The following CPE variants were observed in gnomAD, a reference collection of about 807,000 sequenced individuals.
The protein encoded by CPE is carbocypeptidase E.
CPE carries 17 observed loss-of-function variants against 53.5 expected under a neutral mutation model. The observed-to-expected ratio is 0.32, with a 90% CI of 0.22 to 0.48. The LOEUF is 0.48. Ranked by LOEUF, CPE falls within the 20% of genes least tolerant of loss-of-function variation. The pLI is 0.99. For synonymous variants in CPE, 226 were observed against 228.8 expected, an observed-to-expected ratio of 0.99 and a Z score of 0.11; for missense variants, 524 against 614.7, an observed-to-expected ratio of 0.85 and a Z score of 1.56.
intron 3 of CPE, 51 bp downstream of exon 3, chr4:165,467,906 A>G: frequency 1.3e-6 from 2 of 1,570,068 alleles, no homozygotes; most frequent in African/African-American, 1.4e-5. Context: ...CTAAGGAAAT[A>G]TGTTCCAATA....
Position 165,469,960 on chromosome 4 carries a change from C to T in CPE, c.672+2105C>T, listed in dbSNP as rs372143316. On this transcript the variant is annotated intron_variant, in intron 3 of 8. Transcript: ENST00000402744. ...ATTGGTTTAAACTTTTAAAAACTCTCCTGCCTATATATGGGATTCATTGCA... is the reference window on the plus strand; with the variant it reads ...ATTGGTTTAAACTTTTAAAAACTCTTCTGCCTATATATGGGATTCATTGCA... Among the ~76,000 whole-genome samples, 15 of 152,282 alleles carry T rather than the reference C, an allele frequency of 9.9e-5. No homozygotes were observed. The East Asian group carries it at 1.9e-3, about 20-fold the overall frequency.
chr4:165,474,794 G>A (rs1222493135), intron 3 of CPE, among the ~76,000 whole-genome samples: 3 of 152,202 alleles, frequency 2.0e-5, no homozygotes, highest in Admixed American at 1.3e-4. Flanking sequence ...GCTGGCCTAT[G>A]TCCTTGTCTC....
At chr4:165,476,972 C>T (rs543729280) in intron 3 of CPE, among the ~76,000 whole-genome samples, 2 of 152,362 alleles carry the variant, frequency 1.3e-5, no homozygotes, top group East Asian at 1.9e-4. Flanking sequence ...AAATGGAAAA[C>T]TTCTGGAAGC....
chr4:165,385,001 T>G (rs1477523350), intron 1 of CPE, among the ~76,000 whole-genome samples: 5 of 152,194 alleles, frequency 3.3e-5, no homozygotes, highest in African/African-American at 1.2e-4. Flanking sequence ...ATAATTTTGA[T>G]GAAAATGATT....
chr4:165,443,267 C>T (rs28421837), intron 1 of CPE, among the ~76,000 whole-genome samples: 37,604 of 152,040 alleles, frequency 0.25, 5,096 homozygotes, highest in East Asian at 0.37. Context: ...TCTCTGTCTC[C>T]TCTCCTTCTC....
At chr4:165,416,354 C>G (rs926384861) in intron 1 of CPE, among the ~76,000 whole-genome samples, 1 of 152,134 alleles carries the variant, frequency 6.6e-6, no homozygotes, top group African/African-American at 2.4e-5. Context: ...ATTGGGCTAG[C>G]TAGTGGTGGG....
chr4:165,444,444 C>G (rs939231721), intron 1 of CPE, among the ~76,000 whole-genome samples: 1 of 151,926 alleles, frequency 6.6e-6, no homozygotes, highest in African/African-American at 2.4e-5. Context: ...GGCGAATTGC[C>G]TGAGCTCAGG....
intron 3 of CPE, among the ~76,000 whole-genome samples, chr4:165,473,009 G>A (rs58746438): frequency 0.34 from 52,351 of 152,104 alleles, 9,951 homozygotes; most frequent in Middle Eastern, 0.44. Flanking sequence ...GCATCTAGGG[G>A]GCATGGGTAA....
At chr4:165,496,516 T>A (rs1732707348) in intron 8 of CPE, among the ~76,000 whole-genome samples, 1 of 152,198 alleles carries the variant, frequency 6.6e-6, no homozygotes, top group African/African-American at 2.4e-5. Context: ...TTTGTCTTTC[T>A]GGCATGTGTT....
At chr4:165,416,128 A>G (rs1195270952) in intron 1 of CPE, among the ~76,000 whole-genome samples, 1 of 152,180 alleles carries the variant, frequency 6.6e-6, no homozygotes, top group Non-Finnish European at 1.5e-5. Flanking sequence ...GCGCCAACTC[A>G]ACCGTAACAG....
At chr4:165,490,493 C>A (rs748854413) in intron 6 of CPE, among the ~76,000 whole-genome samples, 41 of 151,786 alleles carry the variant, frequency 2.7e-4, no homozygotes, top group Non-Finnish European at 5.4e-4. Context: ...ATTAGCCGGG[C>A]GTGGTGGCAT....
chr4:165,453,328 C>T (rs866255713), intron 1 of CPE, among the ~76,000 whole-genome samples: 11 of 147,972 alleles, frequency 7.4e-5, no homozygotes, highest in African/African-American at 2.5e-4. Context: ...TCCTTCCTTC[C>T]TTCTTTCCTT....
chr4:165,459,313 T>C (rs1042386473), intron 1 of CPE, among the ~76,000 whole-genome samples: 2 of 152,214 alleles, frequency 1.3e-5, no homozygotes, highest in African/African-American at 4.8e-5. Context: ...TCTTATCTTA[T>C]TCTGACGAGA....
chr4:165,427,048 C>T (rs1289672619), intron 1 of CPE, among the ~76,000 whole-genome samples: 2 of 152,170 alleles, frequency 1.3e-5, no homozygotes, highest in African/African-American at 2.4e-5. Context: ...ACATGCAGGC[C>T]CTTAGCTTGA....
chr4:165,423,890 G>T (rs1183071708), intron 1 of CPE, among the ~76,000 whole-genome samples: 1 of 147,246 alleles, frequency 6.8e-6, no homozygotes, highest in Non-Finnish European at 1.5e-5. Flanking sequence ...GAGAATATGC[G>T]GTGTTTGGTT....
intron 1 of CPE, among the ~76,000 whole-genome samples, chr4:165,412,745 A>G (rs1351132559): frequency 1.3e-5 from 2 of 152,254 alleles, no homozygotes; most frequent in East Asian, 1.9e-4. Flanking sequence ...AAATATGAAC[A>G]TGTTTAAAAA....
intron 1 of CPE, among the ~76,000 whole-genome samples, chr4:165,430,762 TG>T (rs1731396544): frequency 6.6e-6 from 1 of 152,190 alleles, no homozygotes; most frequent in Admixed American, 6.5e-5. Flanking sequence ...GTGACAAAGC[TG>T]TACTTCAGGA....
chr4:165,465,691 C>T (rs541400452), intron 2 of CPE, among the ~76,000 whole-genome samples: 3 of 152,056 alleles, frequency 2.0e-5, no homozygotes, highest in Non-Finnish European at 2.9e-5. Flanking sequence ...AGAGTTTAAA[C>T]GGGAGAGAAA....
At position 165,482,687 on chromosome 4, in the gene CPE, G is replaced by A. The variant is rs1046935302; in HGVS notation, c.790+328G>A. On this transcript the variant is annotated intron_variant, in intron 4 of 8. Coordinates refer to ENST00000402744, the MANE Select transcript of CPE (RefSeq NM_001873.4). ...AAAGTGGAGAGATTACAGAAGTTGT[G>A]TAGGTTCATGTAGAAGATGGCTTAA... Among the ~76,000 whole-genome samples the A allele has an allele frequency of 3.3e-5, 5 of 152,298 alleles. No individual in the cohort carries two copies. In the East Asian group the frequency reaches 7.8e-4, roughly 24 times the overall value.
Sources: gnomAD v4.1 joint callset for allele counts (sites outside exome capture counted in the v4.1 genomes callset) on GRCh38, gnomAD v4.1.1 for gene constraint, MANE v1.5 for transcripts, NCBI Gene and HGNC (gene_info 2026-07-23, HGNC 2026-07-21) for gene names.